Variants in NAV3 observed in about 807,000 individuals in gnomAD.
NAV3 encodes the protein neuron navigator 3, also known as pore membrane and/or filament interacting like protein 1.
A neutral mutation model predicts 244.7 loss-of-function variants in NAV3; 87 were observed. That is an observed-to-expected ratio of 0.36 (90% CI 0.30 to 0.42). The LOEUF (loss-of-function observed/expected upper bound fraction) is 0.42. NAV3 is among the 20% of genes least tolerant of loss of function. NAV3 has a pLI of 1.00. For synonymous variants in NAV3, 1,126 were observed against 1,042.2 expected, an observed-to-expected ratio of 1.08 and a Z score of -1.55; for missense variants, 2,663 against 2,893.3, an observed-to-expected ratio of 0.92 and a Z score of 1.83.
At chr12:77,642,841 TTTACTC>T (rs1221043653) in intron 2 of NAV3, among the ~76,000 whole-genome samples, 1 of 152,092 alleles carries the variant, frequency 6.6e-6, no homozygotes, top group African/African-American at 2.4e-5. Flanking sequence ...AAAACCAAGT[TTTACTC>T]TTATACTAGT....
intron 27 of NAV3, 52 bp downstream of exon 27, chr12:78,177,365 G>T (rs1958280190): frequency 6.4e-7 from 1 of 1,564,896 alleles, no homozygotes; most frequent in South Asian, 1.2e-5. Context: ...AACAATTTTA[G>T]ATGAAGGCCT....
chr12:77,906,373 G>T (rs934745269), intron 1 of NAV3, among the ~76,000 whole-genome samples: 1 of 151,954 alleles, frequency 6.6e-6, no homozygotes, highest in African/African-American at 2.4e-5. Context: ...TCGCCCTTAG[G>T]AAAGACGAAC....
intron 2 of NAV3, among the ~76,000 whole-genome samples, chr12:77,600,641 G>T (rs1310613201): frequency 6.6e-6 from 1 of 152,016 alleles, no homozygotes; most frequent in Non-Finnish European, 1.5e-5. Context: ...CAGGGAATGA[G>T]TGTGTCTCGC....
At chr12:77,959,644 GATT>G (rs1404703281) in intron 3 of NAV3, among the ~76,000 whole-genome samples, 1 of 151,740 alleles carries the variant, frequency 6.6e-6, no homozygotes, top group African/African-American at 2.4e-5. Flanking sequence ...CAGCTAAAAT[GATT>G]ATTATGGGCC....
intron 2 of NAV3, among the ~76,000 whole-genome samples, chr12:77,808,919 G>A (rs1222647456): frequency 2.0e-5 from 3 of 152,162 alleles, no homozygotes; most frequent in East Asian, 3.9e-4. Context: ...GTGGCCTTGC[G>A]GAGCTGCGGT....
chr12:77,670,993 A>G (rs975381023), intron 2 of NAV3, among the ~76,000 whole-genome samples: 2 of 152,176 alleles, frequency 1.3e-5, no homozygotes, highest in African/African-American at 4.8e-5. Context: ...AGAGGAAGTC[A>G]AACTGTTGCC....
intron 23 of NAV3, among the ~76,000 whole-genome samples, chr12:78,162,870 ATATATATATATAATATATAT>A (rs1593855747): frequency 9.8e-5 from 13 of 132,380 alleles, no homozygotes; most frequent in East Asian, 4.2e-4. Flanking sequence ...TCAAAAAAAA[ATATATATATATAATATATAT>A]AATATATATA....
chr12:77,948,290 T>G (rs1012951456), intron 3 of NAV3, among the ~76,000 whole-genome samples: 17 of 152,088 alleles, frequency 1.1e-4, no homozygotes, highest in Admixed American at 1.0e-3. Flanking sequence ...ATATTTATAC[T>G]TGTTTGTGTA....
chr12:77,911,049 C>G (rs1017444545), intron 1 of NAV3, among the ~76,000 whole-genome samples: 1 of 152,030 alleles, frequency 6.6e-6, no homozygotes, highest in African/African-American at 2.4e-5. Context: ...GGATGGTACT[C>G]TACCTGGGAA....
At chr12:77,665,075 A>C (rs931522425) in intron 2 of NAV3, among the ~76,000 whole-genome samples, 8 of 152,196 alleles carry the variant, frequency 5.3e-5, no homozygotes, top group Non-Finnish European at 1.2e-4. Context: ...AGTTTGTGCT[A>C]CTTCATTGTT....
rs2138855383 is a variant in NAV3, at chr12:78,128,837, C to T, written c.4412C>T (p.Ala1471Val). The change falls in exon 18 of 40, where the codon GCA becomes GTA. Residue 1471 changes from alanine (A) to valine (V), a missense_variant. Transcript: ENST00000397909. ...TCCCCTTCTGCCATGTCATCTTCTG[C>T]AGCTGGAAAATACCACTTTTCTAAC... is the stretch of plus-strand genomic sequence containing the variant. The part of the protein sequence containing the change: ...LVSPSAMSSS[A>V]AGKYHFSNLV... 6.2e-7 allele frequency: 1 copy of T among 1,613,688 alleles called. No individual in the cohort carries two copies. The highest frequency in any genetic ancestry group is 1.1e-5 in the South Asian group (1 of 91,014).
intron 1 of NAV3, among the ~76,000 whole-genome samples, chr12:77,833,886 T>G (rs1418853605): frequency 1.3e-5 from 2 of 152,074 alleles, no homozygotes; most frequent in African/African-American, 4.8e-5. Context: ...TCCCCTCGGG[T>G]CCATGTCGTT....
At chr12:78,100,297 T>C (rs1267767059) in intron 12 of NAV3, among the ~76,000 whole-genome samples, 3 of 151,924 alleles carry the variant, frequency 2.0e-5, no homozygotes, top group African/African-American at 7.2e-5. Context: ...AAAATAATGG[T>C]ACTAAGTACA....
chr12:77,730,652 C>A (rs12230417), intron 2 of NAV3, among the ~76,000 whole-genome samples: 2,743 of 151,536 alleles, frequency 0.018, 89 homozygotes, highest in African/African-American at 0.063. Context: ...CAGAATTGAG[C>A]AAATGGAAGT....
intron 2 of NAV3, among the ~76,000 whole-genome samples, chr12:77,710,623 A>G (rs1262052881): frequency 6.6e-6 from 1 of 152,194 alleles, no homozygotes; most frequent in East Asian, 1.9e-4. Context: ...ATCATTATTT[A>G]ATTAGCATAT....
chr12:77,798,163 A>AAAACAAACAAAC (rs3078748), intron 2 of NAV3, among the ~76,000 whole-genome samples: 1 of 149,804 alleles, frequency 6.7e-6, no homozygotes, highest in African/African-American at 2.5e-5. Context: ...CCGTGTCTCA[A>AAAACAAACAAAC]AAACAAACAA....
chr12:78,014,708 T>A (rs1875881793), intron 8 of NAV3, among the ~76,000 whole-genome samples: 2 of 152,104 alleles, frequency 1.3e-5, no homozygotes, highest in South Asian at 4.1e-4. Flanking sequence ...TAAGTTTGGC[T>A]TATTTGTCGA....
chr12:78,206,547 G>T (rs940321782), intron 39 of NAV3, among the ~76,000 whole-genome samples: 4 of 152,012 alleles, frequency 2.6e-5, no homozygotes, highest in Non-Finnish European at 4.4e-5. Flanking sequence ...CTTAGGAAAT[G>T]CCCACAACTT....
chr12:77,696,737 A>G (rs1875318293), intron 2 of NAV3, among the ~76,000 whole-genome samples: 1 of 152,178 alleles, frequency 6.6e-6, no homozygotes, highest in Non-Finnish European at 1.5e-5. Flanking sequence ...GAATAAGTCA[A>G]TAATGACAAG....
Sources: allele counts gnomAD v4.1 joint callset (sites outside exome capture counted in the v4.1 genomes callset), GRCh38; gene constraint gnomAD v4.1.1; transcripts MANE v1.5; gene names NCBI Gene and HGNC (gene_info 2026-07-23, HGNC 2026-07-21).